The following MRRF variants were observed in gnomAD, a reference collection of about 807,000 sequenced individuals.
The protein encoded by MRRF is ribosome-recycling factor, mitochondrial.
A neutral mutation model predicts 25.1 loss-of-function variants in MRRF; 18 were observed. The observed-to-expected ratio is 0.72, with a 90% CI of 0.50 to 1.06. The LOEUF (loss-of-function observed/expected upper bound fraction) is 1.06. Among genes scored for constraint, MRRF ranks in the 50% least tolerant of loss-of-function variants. The pLI is 0.00. For synonymous variants in MRRF, 113 were observed against 112.1 expected (o/e 1.01, Z -0.05); for missense variants, 323 against 319.3 (o/e 1.01, Z -0.09).
chr9:122,306,429 T>G (rs1354898653), intron 5 of MRRF, among the ~76,000 whole-genome samples: 1 of 152,188 alleles, frequency 6.6e-6, no homozygotes, highest in Non-Finnish European at 1.5e-5. Flanking sequence ...TAAATGGTAT[T>G]ATACACATTT....
At chr9:122,270,839 C>T (rs927886615) in intron 1 of MRRF, 25 bp from the exon 2 acceptor site, 2 of 1,585,726 alleles carry the variant, frequency 1.3e-6, no homozygotes, top group Admixed American at 1.7e-5. Context: ...TTACTTAGAT[C>T]TGCTTTTTGT....
chr9:122,293,759 C>G lies in MRRF; in HGVS notation c.551+1919C>G, dbSNP rs150044650. On this transcript the variant is annotated intron_variant, in intron 5 of 6. Coordinates refer to ENST00000344641, the MANE Select transcript of MRRF (RefSeq NM_138777.5). ...AGGCTCTGTGCTGGGGATGTATAGA[C>G]GTGATGTATGCCTTCATGGAGCTCA... 1.8e-4 allele frequency among the ~76,000 whole-genome samples: 27 copies of G among 152,232 alleles called. 1 individual carries two copies. The South Asian group carries it at 4.1e-3, about 23-fold the overall frequency.
At chr9:122,315,378 T>C (rs1431170817) in intron 6 of MRRF, among the ~76,000 whole-genome samples, 1 of 152,186 alleles carries the variant, frequency 6.6e-6, no homozygotes, top group Non-Finnish European at 1.5e-5. Context: ...AATGTACCTG[T>C]GTAATGACAC....
chr9:122,318,263 T>G (rs1007695502), intron 6 of MRRF, among the ~76,000 whole-genome samples: 5 of 150,146 alleles, frequency 3.3e-5, no homozygotes, highest in African/African-American at 1.2e-4. Flanking sequence ...AGGCAAGCTC[T>G]GCTGAAGAAG....
intron 6 of MRRF, among the ~76,000 whole-genome samples, chr9:122,318,768 A>G (rs1272289463): frequency 6.6e-6 from 1 of 152,234 alleles, no homozygotes; most frequent in East Asian, 1.9e-4. Flanking sequence ...CTAGATTAAA[A>G]TCCTGGCTCT....
At chr9:122,278,747 A>G (rs985273885) in intron 2 of MRRF, among the ~76,000 whole-genome samples, 4 of 152,278 alleles carry the variant, frequency 2.6e-5, no homozygotes, top group African/African-American at 9.6e-5. Flanking sequence ...TTAATCCTTC[A>G]TGGATAATTT....
Position 122,285,172 on chromosome 9 carries a change from C to G in MRRF, c.344C>G (p.Ser115Cys), listed in dbSNP as rs1158480603. 2 of 1,600,926 alleles carry G rather than the reference C, an allele frequency of 1.2e-6. No homozygotes were observed. Among genetic ancestry groups the G allele is most frequent in the Admixed American group, 1.7e-5 (1 of 60,000 alleles). Residue 115 changes from serine to cysteine, a missense_variant, in exon 4 of 7, where the codon TCC (serine) becomes TGC (cysteine). Coordinates refer to ENST00000344641, the MANE Select transcript of MRRF (RefSeq NM_138777.5). ...KTLNIRTSPG[S>C]LDKIAVVTAD... ...AACTCTGTAATTTTTCTTTTAGGATCCCTTGACAAGATTGCTGTGGTAACT... is the reference window on the plus strand; with the variant it reads ...AACTCTGTAATTTTTCTTTTAGGATGCCTTGACAAGATTGCTGTGGTAACT...
chr9:122,298,561 T>G (rs1834234854), intron 5 of MRRF, among the ~76,000 whole-genome samples: 1 of 152,214 alleles, frequency 6.6e-6, no homozygotes. Context: ...ATCCTCTTCC[T>G]CTGGTCCCGG....
In MRRF at chr9:122,273,085, T is replaced by A. The variant is rs115670215; in HGVS notation, c.184+2010T>A. 2.0e-3 allele frequency among the ~76,000 whole-genome samples: 311 copies of A among 152,320 alleles called. 2 individuals are homozygous for A. Among genetic ancestry groups the A allele is most frequent in the African/African-American group, 6.9e-3 (285 of 41,558 alleles). ...ATCTTTCCCCTCACCACACATATGC[T>A]TTTCTTTTTGTTCTTGACTTTCTCC... is the stretch of plus-strand genomic sequence containing the variant. On this transcript the variant is annotated intron_variant, in intron 2 of 6. Coordinates refer to ENST00000344641, the MANE Select transcript of MRRF (RefSeq NM_138777.5).
intron 6 of MRRF, among the ~76,000 whole-genome samples, chr9:122,321,828 CAGGTGT>C (rs1178346323): frequency 6.6e-6 from 1 of 150,816 alleles, no homozygotes; most frequent in African/African-American, 2.4e-5. Context: ...CAAAGTATTT[CAGGTGT>C]AGGAAATTCT....
intron 5 of MRRF, among the ~76,000 whole-genome samples, chr9:122,307,216 A>G (rs114203070): frequency 0.013 from 1,971 of 152,280 alleles, 34 homozygotes; most frequent in African/African-American, 0.044. Flanking sequence ...TTTCAGGCCC[A>G]TGCTCCTGTA....
Position 122,280,617 on chromosome 9 carries a change from G to A in MRRF, c.340+19G>A. The stretch of plus-strand genomic sequence containing the variant: ...TCACCAGGTTAGTGACTGAACCAAT[G>A]TTCTGGGGAGGGATGTAATGGAAAG... On this transcript the variant is annotated intron_variant, in intron 3 of 6. Transcript: ENST00000344641. The A allele has an allele frequency of 6.2e-7, 1 of 1,612,060 alleles. No homozygotes were observed. The highest frequency in any genetic ancestry group is 8.5e-7 in the Non-Finnish European group (1 of 1,178,256).
chr9:122,320,654 T>C (rs1588092740), intron 6 of MRRF, among the ~76,000 whole-genome samples: 1 of 152,310 alleles, frequency 6.6e-6, no homozygotes, highest in East Asian at 1.9e-4. Flanking sequence ...AGCCCCCAGG[T>C]GTTTTGCTTT....
intron 2 of MRRF, among the ~76,000 whole-genome samples, chr9:122,277,116 C>A (rs1412088534): frequency 1.3e-5 from 2 of 152,138 alleles, no homozygotes; most frequent in African/African-American, 4.8e-5. Context: ...CACCTCAGCC[C>A]CACAAAGTGC....
At chr9:122,311,717 CAGTG>C (rs1835217368) in intron 5 of MRRF, among the ~76,000 whole-genome samples, 1 of 151,998 alleles carries the variant, frequency 6.6e-6, no homozygotes, top group Admixed American at 6.6e-5. Context: ...ATTTTCTAAA[CAGTG>C]AGATACCTAT....
intron 5 of MRRF, among the ~76,000 whole-genome samples, chr9:122,310,098 A>G (rs764705576): frequency 6.6e-6 from 1 of 152,228 alleles, no homozygotes; most frequent in Admixed American, 6.5e-5. Flanking sequence ...AAATCTCACA[A>G]TAACTCTGAA....
chr9:122,279,890 G>T (rs1832991998), intron 2 of MRRF, among the ~76,000 whole-genome samples: 1 of 152,144 alleles, frequency 6.6e-6, no homozygotes, highest in South Asian at 2.1e-4. Flanking sequence ...TTGTGGAGAT[G>T]GGCTAGTGAA....
Position 122,322,588 on chromosome 9 carries a change from G to A in MRRF, c.760G>A (p.Ala254Thr). ...AGTGGCAGAACTGGACAGGCATCTGGCAGTGAAGACCAAAGAACTCCTTGG... is the reference window on the plus strand; with the variant it reads ...AGTGGCAGAACTGGACAGGCATCTGACAGTGAAGACCAAAGAACTCCTTGG... ...DTVAELDRHL[A>T]VKTKELLG Residue 254 changes from alanine to threonine, a missense_variant, in exon 7 of 7, where the codon GCA (alanine) becomes ACA (threonine). By Grantham distance (58) the Ala-to-Thr change is moderately conservative. Transcript: ENST00000344641. 6.2e-7 allele frequency: 1 copy of A among 1,614,124 alleles called. No homozygotes were observed.
intron 6 of MRRF, among the ~76,000 whole-genome samples, chr9:122,321,292 T>G (rs558477707): frequency 5.9e-5 from 9 of 152,238 alleles, no homozygotes; most frequent in Non-Finnish European, 1.2e-4. Context: ...TGAGCGTGTT[T>G]CCATGATATG....
Sources: allele counts gnomAD v4.1 joint callset (sites outside exome capture counted in the v4.1 genomes callset), GRCh38; gene constraint gnomAD v4.1.1; transcripts MANE v1.5; gene names NCBI Gene and HGNC (gene_info 2026-07-23, HGNC 2026-07-21).